SLC66A3: variants seen among roughly 807,000 people sequenced by gnomAD.
The protein encoded by SLC66A3 is solute carrier family 66 member 3.
A neutral mutation model predicts 25.5 loss-of-function variants in SLC66A3; 23 were observed. That is an observed-to-expected ratio of 0.90 (90% CI 0.65 to 1.28). SLC66A3 has a LOEUF of 1.28. Among genes scored for constraint, SLC66A3 ranks in the 50% most tolerant of loss-of-function variants. The probability of loss-of-function intolerance (pLI) is 0.00; values close to 1 mark genes in which losing one functional copy is unlikely to be tolerated. For synonymous variants in SLC66A3, 108 were observed against 112.6 expected (o/e 0.96, Z 0.26); for missense variants, 246 against 262.1 (o/e 0.94, Z 0.42).
At chr2:11,161,559 C>T (rs1239920172) in intron 3 of SLC66A3, among the ~76,000 whole-genome samples, 1 of 152,110 alleles carries the variant, frequency 6.6e-6, no homozygotes, top group Non-Finnish European at 1.5e-5. Flanking sequence ...CACTATGTCA[C>T]CCAGGCTGGA....
intron 3 of SLC66A3, among the ~76,000 whole-genome samples, chr2:11,161,803 G>A (rs1223809190): frequency 6.6e-6 from 1 of 152,242 alleles, no homozygotes; most frequent in Non-Finnish European, 1.5e-5. Context: ...TTACAGGCAT[G>A]AGCTGCCACT....
chr2:11,173,997 T>C (rs1013984033), intron 5 of SLC66A3, among the ~76,000 whole-genome samples: 3 of 152,196 alleles, frequency 2.0e-5, no homozygotes, highest in Admixed American at 6.5e-5. Flanking sequence ...CTCTTTCGCT[T>C]AGGCTGGAGT....
intron 6 of SLC66A3, among the ~76,000 whole-genome samples, chr2:11,176,868 A>G (rs1662771887): frequency 1.4e-5 from 2 of 143,162 alleles, no homozygotes. Flanking sequence ...AAAATCTTAC[A>G]TGTGTTTTTC....
At chr2:11,160,302 A>C (rs1446934963) in intron 1 of SLC66A3, 164 bp from the exon 2 acceptor site, 1 of 652,634 alleles carries the variant, frequency 1.5e-6, no homozygotes. Context: ...AGATGATTCA[A>C]CTGAATTCCA....
At position 11,176,629 on chromosome 2, in the gene SLC66A3, C is replaced by T. The variant is rs1250954901; in HGVS notation, c.518-1108C>T. ...CTGCAAGCTCCGCCTCCCGGGTTCA[C>T]GCCATTCTCCTGCCTCAGCCTCCCA... is the stretch of plus-strand genomic sequence containing the variant. On this transcript the variant is annotated intron_variant, in intron 6 of 6. Coordinates refer to ENST00000295083, the MANE Select transcript of SLC66A3 (RefSeq NM_152391.5). 4.7e-4 allele frequency among the ~76,000 whole-genome samples: 66 copies of T among 139,920 alleles called. 2 individuals are homozygous for T. The East Asian group carries it at 0.013, about 27-fold the overall frequency. The allele number at this position is 139,920 out of a possible 152,430, so 91.8% of individuals were successfully genotyped here.
chr2:11,169,442 T>C (rs1340699093), intron 4 of SLC66A3, among the ~76,000 whole-genome samples: 4 of 152,174 alleles, frequency 2.6e-5, no homozygotes, highest in Non-Finnish European at 4.4e-5. Context: ...CGCCAGAGCC[T>C]GTGGCCAGTT....
intron 3 of SLC66A3, 128 bp downstream of exon 3, chr2:11,160,822 TCC>T: frequency 3.6e-6 from 2 of 562,264 alleles, no homozygotes; most frequent in Non-Finnish European, 4.9e-6. Flanking sequence ...AAAAAAAAAA[TCC>T]CAAATGCAAA....
intron 4 of SLC66A3, among the ~76,000 whole-genome samples, chr2:11,168,009 G>A (rs181839283): frequency 3.5e-4 from 53 of 152,256 alleles, no homozygotes; most frequent in Non-Finnish European, 5.0e-4. Flanking sequence ...GGCCGGGTGC[G>A]GTGGCTCACG....
intron 1 of SLC66A3, among the ~76,000 whole-genome samples, chr2:11,155,937 A>G (rs1206130926): frequency 6.6e-6 from 1 of 152,182 alleles, no homozygotes; most frequent in East Asian, 1.9e-4. Flanking sequence ...CGCCCATTTT[A>G]CAGATGAGAA....
intron 1 of SLC66A3, among the ~76,000 whole-genome samples, chr2:11,156,964 A>T (rs541804232): frequency 6.6e-6 from 1 of 152,272 alleles, no homozygotes; most frequent in African/African-American, 2.4e-5. Flanking sequence ...GGACAAGGGC[A>T]TGAAAGCCAG....
At chr2:11,171,414 C>T (rs897684256) in intron 4 of SLC66A3, among the ~76,000 whole-genome samples, 2 of 152,116 alleles carry the variant, frequency 1.3e-5, no homozygotes, top group African/African-American at 2.4e-5. Flanking sequence ...TTTTGACACT[C>T]CAGCCTGGGT....
At chr2:11,168,251 C>T (rs958397157) in intron 4 of SLC66A3, among the ~76,000 whole-genome samples, 1 of 151,462 alleles carries the variant, frequency 6.6e-6, no homozygotes, top group Non-Finnish European at 1.5e-5. Context: ...AGCCACTGCA[C>T]TCCAGCCTGG....
At chr2:11,168,650 C>T (rs933365077) in intron 4 of SLC66A3, among the ~76,000 whole-genome samples, 1 of 152,126 alleles carries the variant, frequency 6.6e-6, no homozygotes, top group Admixed American at 6.6e-5. Context: ...CGAGCCCTCC[C>T]CTGCAGTCCT....
intron 5 of SLC66A3, chr2:11,172,663 T>C: frequency 2.8e-6 from 1 of 352,980 alleles, no homozygotes; most frequent in Non-Finnish European, 5.9e-6. Flanking sequence ...AATGTCTCCA[T>C]CCATGGTTGC....
intron 4 of SLC66A3, among the ~76,000 whole-genome samples, chr2:11,169,610 C>T (rs1662472911): frequency 6.6e-6 from 1 of 152,082 alleles, no homozygotes; most frequent in Non-Finnish European, 1.5e-5. Flanking sequence ...CCTCAGCTCC[C>T]TGACTTCCGT....
At chr2:11,163,582 TGGAAAGTGACTTGCCCAAG>T (rs1572181320) in intron 3 of SLC66A3, among the ~76,000 whole-genome samples, 1 of 152,360 alleles carries the variant, frequency 6.6e-6, no homozygotes, top group East Asian at 1.9e-4. Flanking sequence ...GGTGGAAAGA[TGGAAAGTGACTTGCCCAAG>T]GGCACTCCAG....
intron 4 of SLC66A3, among the ~76,000 whole-genome samples, chr2:11,167,082 A>G (rs1337654603): frequency 5.9e-5 from 9 of 152,216 alleles, no homozygotes; most frequent in Non-Finnish European, 1.2e-4. Flanking sequence ...TAGTTCTATT[A>G]GCCCCCATAC....
chr2:11,164,505 C>T (rs1319801580), intron 4 of SLC66A3, among the ~76,000 whole-genome samples: 1 of 28,818 alleles, frequency 3.5e-5, no homozygotes, highest in African/African-American at 2.2e-4. Context: ...CCACACCCAG[C>T]TAATTTTTTT....
chr2:11,166,810 G>A (rs972854805), intron 4 of SLC66A3, among the ~76,000 whole-genome samples: 5 of 152,184 alleles, frequency 3.3e-5, no homozygotes, highest in African/African-American at 1.2e-4. Flanking sequence ...CAGGAGAATC[G>A]CTTCAACCCC....
Sources: gnomAD v4.1 joint callset for allele counts (sites outside exome capture counted in the v4.1 genomes callset) on GRCh38, gnomAD v4.1.1 for gene constraint, MANE v1.5 for transcripts, NCBI Gene and HGNC (gene_info 2026-07-23, HGNC 2026-07-21) for gene names.